CCDC169: variants seen among roughly 807,000 people sequenced by gnomAD.
The protein encoded by CCDC169 is coiled-coil domain containing 169, also known as coiled-coil domain-containing protein 169.
Under a neutral mutation model 36.0 loss-of-function variants are expected in CCDC169, and 30 were observed. The observed-to-expected ratio is 0.83, with a 90% confidence interval of 0.62 to 1.13. CCDC169 has a LOEUF of 1.13. Ranked by LOEUF, CCDC169 falls within the 50% of genes most tolerant of loss-of-function variation. The pLI, the probability that CCDC169 is intolerant of heterozygous loss-of-function variation, is 0.00. For missense variants in CCDC169, 245 were observed against 245.9 expected, an observed-to-expected ratio of 1.00 and a Z score of 0.03; for synonymous variants, 85 against 81.5, an observed-to-expected ratio of 1.04 and a Z score of -0.23.
chr13:36,224,682 G>T (rs1454200038), downstream of CCDC169: 2 of 152,078 alleles, frequency 1.3e-5, no homozygotes, highest in Non-Finnish European at 2.9e-5. Flanking sequence ...TTCATGGGGT[G>T]GAAGAATCAA....
At chr13:36,235,577 A>T (rs2138395207) in intron 7 of CCDC169, among the ~76,000 whole-genome samples, 1 of 152,072 alleles carries the variant, frequency 6.6e-6, no homozygotes, top group Middle Eastern at 3.4e-3. Flanking sequence ...CAAGTTAAGG[A>T]TGTTCACTAT....
intron 2 of CCDC169, among the ~76,000 whole-genome samples, chr13:36,294,532 A>T (rs1188267083): frequency 6.6e-6 from 1 of 152,172 alleles, no homozygotes; most frequent in Non-Finnish European, 1.5e-5. Context: ...TATGGCCACT[A>T]TTCCTTTTTG....
At chr13:36,239,339 A>G (rs1335098520) in intron 7 of CCDC169, among the ~76,000 whole-genome samples, 2 of 152,184 alleles carry the variant, frequency 1.3e-5, no homozygotes, top group African/African-American at 4.8e-5. Flanking sequence ...ATGTGAATAT[A>G]TATGTGGGTA....
At chr13:36,258,137 G>C (rs1389743967) in intron 4 of CCDC169, among the ~76,000 whole-genome samples, 5 of 152,120 alleles carry the variant, frequency 3.3e-5, no homozygotes, top group African/African-American at 1.2e-4. Context: ...TGGTGGTTTT[G>C]CTTTTGAGAC....
At chr13:36,232,333 CA>C (rs1254723677) in intron 7 of CCDC169, among the ~76,000 whole-genome samples, 1 of 152,196 alleles carries the variant, frequency 6.6e-6, no homozygotes, top group Non-Finnish European at 1.5e-5. Flanking sequence ...AGACCACTTA[CA>C]AAGCTATCTT....
chr13:36,227,489 CATAT>C (rs1555247849), downstream of CCDC169: 98 of 1,114,026 alleles, frequency 8.8e-5, no homozygotes, highest in South Asian at 2.6e-4. Flanking sequence ...CACACACACA[CATAT>C]ACACAAAAAT....
chr13:36,288,680 T>C (rs1220533835), intron 2 of CCDC169, among the ~76,000 whole-genome samples: 1 of 152,160 alleles, frequency 6.6e-6, no homozygotes, highest in Non-Finnish European at 1.5e-5. Context: ...TTCTAATATA[T>C]AATTCTGCAA....
intron 4 of CCDC169, among the ~76,000 whole-genome samples, chr13:36,266,265 G>A (rs1594051588): frequency 6.6e-6 from 1 of 152,124 alleles, no homozygotes; most frequent in African/African-American, 2.4e-5. Context: ...AGGGGAGGAG[G>A]TGGGTGCAGC....
rs1878670856 is a variant in CCDC169 at position 36,289,978 on chromosome 13, C to T, written c.163+5800G>A. ...GCAAGGTTATAGAATCTTTTTACAG[C>T]TTCCAGTCAAGTCATAGACTCCAGT... On this transcript the variant is annotated intron_variant, in intron 2 of 7. Transcript: ENST00000239859. Among the ~76,000 whole-genome samples, 3 of 152,148 alleles carry T rather than the reference C, an allele frequency of 2.0e-5. No homozygotes were observed. The South Asian group carries it at 6.2e-4, about 32-fold the overall frequency.
chr13:36,265,190 T>C (rs1045145092), intron 4 of CCDC169, among the ~76,000 whole-genome samples: 1 of 152,212 alleles, frequency 6.6e-6, no homozygotes, highest in Non-Finnish European at 1.5e-5. Context: ...TTTTGTCTGT[T>C]TATCCAGATT....
At chr13:36,243,764 C>T (rs1872156852) in intron 7 of CCDC169, among the ~76,000 whole-genome samples, 1 of 152,148 alleles carries the variant, frequency 6.6e-6, no homozygotes, top group Non-Finnish European at 1.5e-5. Context: ...CAAGATCGCG[C>T]CATGGCACTA....
At chr13:36,276,010 T>G (rs1330223441) in intron 4 of CCDC169, among the ~76,000 whole-genome samples, 3 of 152,196 alleles carry the variant, frequency 2.0e-5, no homozygotes, top group Non-Finnish European at 4.4e-5. Flanking sequence ...GAACTAAGAC[T>G]TAAAACCATC....
chr13:36,234,905 T>C (rs1265491356), intron 7 of CCDC169, among the ~76,000 whole-genome samples: 1 of 152,134 alleles, frequency 6.6e-6, no homozygotes, highest in Admixed American at 6.5e-5. Context: ...CTGGCAAAGA[T>C]AACTACATAG....
rs770459434 is a variant in CCDC169 at position 36,238,561 on chromosome 13, T to C, written c.546-7269A>G. Reference sequence around the variant, plus strand: ...AAAAATGATTTCTTCTGGTGAAATATGGAATTAACCACAATCATTCAATTA... The same window carrying C: ...AAAAATGATTTCTTCTGGTGAAATACGGAATTAACCACAATCATTCAATTA... On this transcript the variant is annotated intron_variant, in intron 7 of 7. Coordinates refer to ENST00000239859, the MANE Select transcript of CCDC169 (RefSeq NM_001144981.3). Among the ~76,000 whole-genome samples the C allele has an allele frequency of 2.6e-5, 4 of 152,338 alleles. No individual in the cohort carries two copies. In the East Asian group the frequency reaches 7.7e-4, roughly 29 times the overall value.
intron 4 of CCDC169, among the ~76,000 whole-genome samples, chr13:36,262,261 T>C (rs1874700219): frequency 6.7e-6 from 1 of 149,508 alleles, no homozygotes; most frequent in Non-Finnish European, 1.5e-5. Context: ...AAAAAGGAGA[T>C]GGGTGGAAAT....
chr13:36,232,246 T>C (rs1870518336), intron 7 of CCDC169, among the ~76,000 whole-genome samples: 2 of 152,178 alleles, frequency 1.3e-5, no homozygotes, highest in African/African-American at 2.4e-5. Flanking sequence ...AGAGGTGGAA[T>C]AGGGTTGGAG....
intron 7 of CCDC169, among the ~76,000 whole-genome samples, chr13:36,238,210 T>A (rs186934567): frequency 6.0e-4 from 91 of 152,340 alleles, no homozygotes; most frequent in Non-Finnish European, 1.1e-3. Context: ...TTAGTGGTGA[T>A]GCTTGCATGA....
chr13:36,240,058 G>T (rs559183515), intron 7 of CCDC169, among the ~76,000 whole-genome samples: 207 of 152,068 alleles, frequency 1.4e-3, no homozygotes, highest in African/African-American at 4.4e-3. Context: ...CATACACAGG[G>T]TGCAGTACTA....
At chr13:36,248,263 T>G (rs1313309786) in intron 7 of CCDC169, among the ~76,000 whole-genome samples, 1 of 152,156 alleles carries the variant, frequency 6.6e-6, no homozygotes, top group Non-Finnish European at 1.5e-5. Context: ...ATTACAGTGA[T>G]CCGGAACCAA....
Sources: allele counts gnomAD v4.1 joint callset (sites outside exome capture counted in the v4.1 genomes callset), GRCh38; gene constraint gnomAD v4.1.1; transcripts MANE v1.5; gene names NCBI Gene and HGNC (gene_info 2026-07-23, HGNC 2026-07-21).